Variants in REDIC1 observed in about 807,000 individuals in gnomAD.
The protein encoded by REDIC1 is HEI10 Interacting Protein 1.
chr12:39,872,034 A>G, the REDIC1 span: 1 of 1,316,054 alleles, frequency 7.6e-7, no homozygotes, highest in Non-Finnish European at 1.0e-6. Flanking sequence ...ATAGAAAAAG[A>G]TGTATTCAAT....
chr12:39,840,203 T>G, the REDIC1 span, among the ~76,000 whole-genome samples: 940 of 152,060 alleles, frequency 6.2e-3, 12 homozygotes, highest in African/African-American at 0.022. Context: ...GGCTAATTTT[T>G]GTATTATTAG....
At chr12:39,782,418 C>A in the REDIC1 span, among the ~76,000 whole-genome samples, 3 of 152,106 alleles carry the variant, frequency 2.0e-5, no homozygotes, top group Non-Finnish European at 4.4e-5. Flanking sequence ...TCAGGGGTTT[C>A]TCCTTTTGCT....
chr12:39,699,732 G>T, the REDIC1 span, among the ~76,000 whole-genome samples: 1 of 152,182 alleles, frequency 6.6e-6, no homozygotes, highest in African/African-American at 2.4e-5. Flanking sequence ...CTCCCAGCAC[G>T]CAGCTAGAGA....
chr12:39,791,270 C>A, the REDIC1 span, among the ~76,000 whole-genome samples: 23 of 132,532 alleles, frequency 1.7e-4, no homozygotes, highest in Non-Finnish European at 2.7e-4. Context: ...CAATATCATA[C>A]TGAATGGGCA....
chr12:39,709,684 G>T, the REDIC1 span, among the ~76,000 whole-genome samples: 8,242 of 151,292 alleles, frequency 0.054, 267 homozygotes, highest in Middle Eastern at 0.092. Context: ...CTTCTTTTTC[G>T]TTGCTGAATA....
the REDIC1 span, among the ~76,000 whole-genome samples, chr12:39,750,643 A>C: frequency 7.2e-5 from 11 of 152,152 alleles, no homozygotes; most frequent in Admixed American, 3.9e-4. Context: ...GAGGCATCAC[A>C]CTACCTGACT....
the REDIC1 span, among the ~76,000 whole-genome samples, chr12:39,774,304 A>C: frequency 6.6e-6 from 1 of 152,312 alleles, no homozygotes; most frequent in Admixed American, 6.5e-5. Context: ...AGTTATAAGA[A>C]ATTCTAACTT....
At chr12:39,699,357 C>G in the REDIC1 span, among the ~76,000 whole-genome samples, 29 of 152,292 alleles carry the variant, frequency 1.9e-4, 1 homozygote, top group South Asian at 5.2e-3. Flanking sequence ...CCTGGAAGAT[C>G]GGGTCACTCC....
chr12:39,696,629 A>G, the REDIC1 span, among the ~76,000 whole-genome samples: 1 of 149,980 alleles, frequency 6.7e-6, no homozygotes, highest in African/African-American at 2.4e-5. Flanking sequence ...GTGACCTTTC[A>G]GACACAGTAT....
At chr12:39,643,807 C>A in the REDIC1 span, 37 of 1,548,390 alleles carry the variant, frequency 2.4e-5, no homozygotes, top group Middle Eastern at 1.7e-4. Context: ...AGGTTAAAAT[C>A]AAAAATGAAA....
At chr12:39,846,823 T>C in the REDIC1 span, among the ~76,000 whole-genome samples, 1 of 152,154 alleles carries the variant, frequency 6.6e-6, no homozygotes, top group Non-Finnish European at 1.5e-5. Context: ...TCAGTCTTTC[T>C]GAAGGATAAA....
chr12:39,796,395 C>A, the REDIC1 span, among the ~76,000 whole-genome samples: 1 of 144,100 alleles, frequency 6.9e-6, no homozygotes, highest in East Asian at 2.0e-4. Flanking sequence ...TTTGAGATCA[C>A]CCTGGCCAAC....
At chr12:39,823,106 T>G in the REDIC1 span, among the ~76,000 whole-genome samples, 1 of 152,194 alleles carries the variant, frequency 6.6e-6, no homozygotes, top group Non-Finnish European at 1.5e-5. Context: ...TCCAAACACA[T>G]AACATGCAGC....
At chr12:39,644,368 G>A in the REDIC1 span, among the ~76,000 whole-genome samples, 1 of 151,626 alleles carries the variant, frequency 6.6e-6, no homozygotes. Context: ...ACTTTCCTGG[G>A]ATGTTAATCA....
At chr12:39,694,573 T>A in the REDIC1 span, among the ~76,000 whole-genome samples, 1 of 152,152 alleles carries the variant, frequency 6.6e-6, no homozygotes, top group African/African-American at 2.4e-5. Context: ...AGAGGGGAAT[T>A]GCTGATCCTA....
At chr12:39,677,136 T>C in the REDIC1 span, among the ~76,000 whole-genome samples, 1 of 151,882 alleles carries the variant, frequency 6.6e-6, no homozygotes. Context: ...ATGCTTCACT[T>C]TAGCATTTAG....
the REDIC1 span, among the ~76,000 whole-genome samples, chr12:39,691,115 A>G: frequency 6.6e-6 from 1 of 152,156 alleles, no homozygotes; most frequent in Non-Finnish European, 1.5e-5. Context: ...AGAGAGAAGA[A>G]AGGAAAAGGA....
the REDIC1 span, among the ~76,000 whole-genome samples, chr12:39,785,386 G>T: frequency 6.6e-6 from 1 of 152,208 alleles, no homozygotes; most frequent in African/African-American, 2.4e-5. Context: ...GAGCCTGTGG[G>T]TGCACAGAAG....
the REDIC1 span, among the ~76,000 whole-genome samples, chr12:39,842,292 G>A: frequency 6.6e-6 from 1 of 152,092 alleles, no homozygotes; most frequent in Non-Finnish European, 1.5e-5. Context: ...TCCTGGTGAA[G>A]TATGCAGGAG....
Sources: gnomAD v4.1 joint callset for allele counts (sites outside exome capture counted in the v4.1 genomes callset) on GRCh38, gnomAD v4.1.1 for gene constraint, MANE v1.5 for transcripts, NCBI Gene and HGNC (gene_info 2026-07-23, HGNC 2026-07-21) for gene names.